The following PROSER1 variants were observed in gnomAD, a reference collection of about 807,000 sequenced individuals.
The protein encoded by PROSER1 is proline and serine rich 1, also known as proline and serine-rich protein 1.
In PROSER1, 36 loss-of-function variants were observed where a neutral mutation model predicts 71.8. The ratio of observed to expected loss-of-function variants is 0.50; its 90% CI spans 0.38 to 0.66. The LOEUF is 0.66. PROSER1 is among the 30% of genes least tolerant of loss of function. The pLI is 0.00. For missense variants in PROSER1, 1,107 were observed against 1,135.0 expected (o/e 0.98, Z 0.35); for synonymous variants, 490 against 452.4 (o/e 1.08, Z -1.06).
intron 1 of PROSER1, among the ~76,000 whole-genome samples, 194 bp from the exon 2 acceptor site, chr13:39,034,390 G>A (rs77703633): frequency 6.6e-6 from 1 of 152,074 alleles, no homozygotes; most frequent in Non-Finnish European, 1.5e-5. Flanking sequence ...ATACTGTGAG[G>A]GACACACTGA....
At chr13:39,033,175 C>T (rs1870939567) in intron 2 of PROSER1, among the ~76,000 whole-genome samples, 1 of 152,208 alleles carries the variant, frequency 6.6e-6, no homozygotes, top group Non-Finnish European at 1.5e-5. Context: ...CTGCCTTGGC[C>T]TCCCAAAGTG....
chr13:39,034,162 T>C lies in PROSER1; in HGVS notation c.80A>G (p.Glu27Gly). 2 of 1,587,942 alleles carry C rather than the reference T, an allele frequency of 1.3e-6. No individual in the cohort carries two copies. Among genetic ancestry groups the C allele is most frequent in the Non-Finnish European group, 1.7e-6 (2 of 1,170,722 alleles). ...ACTAGAAAAGTATCCATGCACATATTCAATTGCTTTTAATTTGTATTCTGT... is the reference window on the plus strand; with the variant it reads ...ACTAGAAAAGTATCCATGCACATATCCAATTGCTTTTAATTTGTATTCTGT... ...VLTEYKLKAI[E>G]YVHGYFSSEQ... The change falls in exon 2 of 13, where the codon GAA becomes GGA. Residue 27 changes from glutamate (E) to glycine (G), a missense_variant. Coordinates refer to ENST00000352251, the MANE Select transcript of PROSER1 (RefSeq NM_025138.5).
At chr13:39,018,493 C>CACACACACAA (rs1870119122) in intron 9 of PROSER1, among the ~76,000 whole-genome samples, 3 of 144,170 alleles carry the variant, frequency 2.1e-5, no homozygotes, top group African/African-American at 7.7e-5. Context: ...CACACACACA[C>CACACACACAA]ACACACACAC....
At position 39,038,022 on chromosome 13, in the gene PROSER1, C is replaced by G. The variant is rs1007137505; in HGVS notation, c.-780G>C. The G allele has an allele frequency of 6.5e-6, 1 of 152,894 alleles. No individual in the cohort carries two copies. Among genetic ancestry groups the G allele is most frequent in the Non-Finnish European group, 1.5e-5 (1 of 68,612 alleles). The allele number at this position is 152,894 out of a possible 1,614,324, so 9.5% of individuals were successfully genotyped here. A position where few individuals can be genotyped will look rare whatever the true frequency, so the allele number is the denominator to read the frequency against. ...TACAGCCCCCACCAGCTCATGGGGA[C>G]CTACAATAAAGCCAGTCGCGCCCAA... On this transcript the variant is annotated 5_prime_UTR_variant, in exon 1 of 13. Transcript: ENST00000352251.
rs1237360134 is a variant in PROSER1 at position 39,029,325 on chromosome 13, G to A, written c.231C>T (p.Phe77=). The change falls in exon 4 of 13, where the codon TTC becomes TTT. Residue 77 remains phenylalanine (F), a synonymous_variant. Transcript: ENST00000352251. ...CAACTAGTTTGTCTTTACTGAAAGT[G>A]AAACAGTTGAGTATATTGACCACTT... ...PTEVVNILNC[F]TFSKDKLVAL... 6.5e-7 allele frequency: 1 copy of A among 1,543,748 alleles called. No homozygotes were observed. The highest frequency in any genetic ancestry group is 2.4e-5 in the East Asian group (1 of 41,556).
chr13:39,022,816 TAATG>T (rs1870358029), intron 8 of PROSER1: 16 of 435,022 alleles, frequency 3.7e-5, no homozygotes, highest in Middle Eastern at 1.3e-3. Flanking sequence ...AACCCATAAA[TAATG>T]AATGACTAAA....
intron 9 of PROSER1, among the ~76,000 whole-genome samples, chr13:39,022,007 G>C (rs925116311): frequency 5.9e-5 from 9 of 152,038 alleles, no homozygotes. Context: ...TTTTTCACTA[G>C]ACTAAACTCT....
chr13:39,023,141 G>C lies in PROSER1; in HGVS notation c.565-11C>G, dbSNP rs1870378264. On this transcript the variant is annotated splice_polypyrimidine_tract_variant and intron_variant, in intron 7 of 12. Coordinates refer to ENST00000352251, the MANE Select transcript of PROSER1 (RefSeq NM_025138.5). ...ATATGTTGAAGGAGGCTAAAACATG[G>C]GGGAAAATACAGCAGTTAGAAGAAA... is the stretch of plus-strand genomic sequence containing the variant. The C allele has an allele frequency of 1.9e-6, 3 of 1,603,724 alleles. No individual in the cohort carries two copies. The highest frequency in any genetic ancestry group is 2.6e-6 in the Non-Finnish European group (3 of 1,170,998).
intron 2 of PROSER1, 128 bp downstream of exon 2, chr13:39,034,003 A>G: frequency 5.0e-6 from 3 of 599,636 alleles, no homozygotes; most frequent in Non-Finnish European, 8.5e-6. Flanking sequence ...CAAAACTGAG[A>G]GCTTCTCGAG....
At position 39,009,960 on chromosome 13, in the gene PROSER1, G is replaced by A. The variant is rs553689379; in HGVS notation, c.*1405C>T. 6.5e-6 allele frequency: 1 copy of A among 152,702 alleles called. No homozygotes were observed. Among genetic ancestry groups the A allele is most frequent in the Admixed American group, 6.5e-5 (1 of 15,302 alleles). 9.5% of individuals were successfully genotyped at this position (152,702 alleles called of 1,614,324 possible). ...GATTAAACTATAGCTTACATTCTGT[G>A]TTTAAAGACATAAATCTGTCTGTTC... On this transcript the variant is annotated 3_prime_UTR_variant, in exon 13 of 13. Coordinates refer to ENST00000352251, the MANE Select transcript of PROSER1 (RefSeq NM_025138.5).
chr13:39,015,721 G>A (rs763634307), intron 10 of PROSER1, among the ~76,000 whole-genome samples: 2 of 152,072 alleles, frequency 1.3e-5, no homozygotes, highest in Non-Finnish European at 2.9e-5. Flanking sequence ...AAAATTGACA[G>A]TCATATTTAA....
Position 39,014,352 on chromosome 13 carries a change from AGCT to A in PROSER1, c.897_899del (p.Ala301del). 1 of 1,614,098 alleles carries A rather than the reference AGCT, an allele frequency of 6.2e-7. No homozygotes were observed. The highest frequency in any genetic ancestry group is 8.5e-7 in the Non-Finnish European group (1 of 1,179,990). On this transcript the variant is annotated inframe_deletion, in exon 11 of 13. Transcript: ENST00000352251. ...GCAGGTTCATTCCAGAAACGGTGGC[AGCT>A]GCTGATGCTGATGGATGATTAATTG...
intron 6 of PROSER1, among the ~76,000 whole-genome samples, chr13:39,026,072 C>T (rs964999823): frequency 6.6e-6 from 1 of 151,896 alleles, no homozygotes; most frequent in African/African-American, 2.4e-5. Flanking sequence ...TAAAATCATC[C>T]TCTCTTCTAT....
chr13:39,011,332 G>A lies in PROSER1; in HGVS notation c.*33C>T. 1 of 1,608,724 alleles carries A rather than the reference G, an allele frequency of 6.2e-7. No individual in the cohort carries two copies. The highest frequency in any genetic ancestry group is 2.2e-5 in the East Asian group (1 of 44,798). ...ATTGCAGTTCTCAGGCAATTCTGAT[G>A]TTGCTCTGAAGGAGAATAAAAGTTA... On this transcript the variant is annotated 3_prime_UTR_variant, in exon 13 of 13. Coordinates refer to ENST00000352251, the MANE Select transcript of PROSER1 (RefSeq NM_025138.5).
In PROSER1 at chr13:39,037,616, G is replaced by C. The variant is rs755781632; in HGVS notation, c.-374C>G. On this transcript the variant is annotated 5_prime_UTR_variant, in exon 1 of 13. Coordinates refer to ENST00000352251, the MANE Select transcript of PROSER1 (RefSeq NM_025138.5). ...TGAGGGCCAGGTGCCGCCAGAGGTAGCTCTTGAAGGCGCTTTCCCAGGTGG... is the reference window on the plus strand; with the variant it reads ...TGAGGGCCAGGTGCCGCCAGAGGTACCTCTTGAAGGCGCTTTCCCAGGTGG... 1.1e-5 allele frequency: 2 copies of C among 179,018 alleles called. No individual in the cohort carries two copies. Among genetic ancestry groups the C allele is most frequent in the Non-Finnish European group, 2.3e-5 (2 of 85,914 alleles). 11.1% of individuals were successfully genotyped at this position (179,018 alleles called of 1,614,324 possible).
At chr13:39,022,647 G>T in intron 8 of PROSER1, 1 of 461,730 alleles carries the variant, frequency 2.2e-6, no homozygotes, top group South Asian at 3.4e-5. Flanking sequence ...GCAGGGATAA[G>T]TTCAGTGAAT....
At chr13:39,023,388 T>G (rs1252920909) in intron 7 of PROSER1, 1 of 332,684 alleles carries the variant, frequency 3.0e-6, no homozygotes, top group Non-Finnish European at 5.6e-6. Flanking sequence ...AATAAGGGGT[T>G]AGATCTCATT....
Position 39,018,513 on chromosome 13 carries a change from C to A in PROSER1, c.731-969G>T, listed in dbSNP as rs989807026. Among the ~76,000 whole-genome samples the A allele has an allele frequency of 2.6e-5, 4 of 151,464 alleles. No homozygotes were observed. In the East Asian group the frequency reaches 7.8e-4, roughly 29 times the overall value. On this transcript the variant is annotated intron_variant, in intron 9 of 12. Transcript: ENST00000352251. ...ACACACACACACACACACACACACA[C>A]ACACTACTGGGAAATAAGCAGAGAA...
intron 1 of PROSER1, among the ~76,000 whole-genome samples, chr13:39,034,677 G>T (rs1871012878): frequency 6.6e-6 from 1 of 152,104 alleles, no homozygotes. Flanking sequence ...ATTTCTATAG[G>T]GACATAAGAA....
Sources: gnomAD v4.1 joint callset for allele counts (sites outside exome capture counted in the v4.1 genomes callset) on GRCh38, gnomAD v4.1.1 for gene constraint, MANE v1.5 for transcripts, NCBI Gene and HGNC (gene_info 2026-07-23, HGNC 2026-07-21) for gene names.